Variants in KMT2B observed in about 807,000 individuals in gnomAD.
The protein encoded by KMT2B is histone-lysine N-methyltransferase 2B.
Under a neutral mutation model 255.3 loss-of-function variants are expected in KMT2B, and 22 were observed. That is an observed-to-expected ratio of 0.09 (90% CI 0.06 to 0.12). KMT2B has a LOEUF of 0.12. KMT2B is among the 10% of genes least tolerant of loss of function. KMT2B has a pLI of 1.00. For synonymous variants in KMT2B, 1,730 were observed against 1,498.1 expected (o/e 1.15, Z -3.57); for missense variants, 3,149 against 3,737.0 (o/e 0.84, Z 4.10).
chr19:35,738,315 T>G lies in KMT2B; in HGVS notation c.7906T>G (p.Phe2636Val). 6.2e-7 allele frequency: 1 copy of G among 1,613,872 alleles called. No individual in the cohort carries two copies. Among genetic ancestry groups the G allele is most frequent in the Non-Finnish European group, 8.5e-7 (1 of 1,179,810 alleles). ...IGCYMFRMDD[F>V]DVVDATMHGN... The stretch of plus-strand genomic sequence containing the variant: ...GTGCTATATGTTCCGCATGGATGAC[T>G]TTGATGTAGTGGACGCCACGATGCA... The change falls in exon 37 of 37, where the codon TTT (phenylalanine) becomes GTT (valine). Residue 2636 changes from phenylalanine to valine, a missense_variant. Phe to Val is a conservative substitution (Grantham distance 50, BLOSUM62 -1). Around this residue, in one of 18 missense-constraint regions of KMT2B, gnomAD observed 56 missense variants for 238.8 expected, o/e 0.23. Transcript: ENST00000420124. This position sits in a 1 kb window ranked among gnomAD's most constrained non-coding sequence, Gnocchi z 8.7.
chr19:35,722,364 C>T lies in KMT2B; in HGVS notation c.2463C>T (p.Ser821=). The T allele has an allele frequency of 1.2e-6, 2 of 1,608,618 alleles. No individual in the cohort carries two copies. ...CCCTGTTTATTCCCTGCCAGCTGAG[C>T]CCTGGAGGGCAGATGGAGGAGGTGG... The part of the protein sequence containing the change: ...QQKVAASMPL[S]PGGQMEEVAG... The change falls in exon 4 of 37, where the codon AGC becomes AGT. Residue 821 remains serine, a synonymous_variant. Transcript: ENST00000420124.
In KMT2B at chr19:35,725,528, A is replaced by G. The variant is rs1049568182; in HGVS notation, c.3692A>G (p.Glu1231Gly). 7 of 1,611,258 alleles carry G rather than the reference A, an allele frequency of 4.3e-6. No homozygotes were observed. Among genetic ancestry groups the G allele is most frequent in the Non-Finnish European group, 5.9e-6 (7 of 1,179,878 alleles). ...GACCCATTCCACCCATTCTGCCTGGAGGAGGCCGAGCGGCCCCTGCCCCAG... is the reference window on the plus strand; with the variant it reads ...GACCCATTCCACCCATTCTGCCTGGGGGAGGCCGAGCGGCCCCTGCCCCAG... The part of the protein sequence containing the change: ...CCDPFHPFCL[E>G]EAERPLPQHH... Residue 1231 changes from glutamate to glycine, a missense_variant, in exon 12 of 37, where the codon GAG becomes GGG. By Grantham distance (98) the Glu-to-Gly change is moderately conservative (BLOSUM62 -2). Transcript: ENST00000420124. The surrounding 1 kb of genome is among the most constrained non-coding windows in gnomAD (Gnocchi z 4.1).
In KMT2B at chr19:35,732,277, C is replaced by A; in HGVS notation, c.5728C>A (p.Pro1910Thr). ...GGGAGACCCGGACTTCCCAGCTCCCCCCAGACGTTCCCGTCGTCCCAGCCC... is the reference window on the plus strand; with the variant it reads ...GGGAGACCCGGACTTCCCAGCTCCCACCAGACGTTCCCGTCGTCCCAGCCC... The part of the protein sequence containing the change: ...TVGDPDFPAP[P>T]RRSRRPSPLA... The change falls in exon 28 of 37, where the codon CCC (proline) becomes ACC (threonine). Residue 1910 changes from proline to threonine, a missense_variant. This residue lies in a region of KMT2B where 897 missense variants were observed against 825.3 expected (regional missense o/e 1.09). Transcript: ENST00000420124. The A allele has an allele frequency of 6.2e-7, 1 of 1,610,320 alleles. No homozygotes were observed. Among genetic ancestry groups the A allele is most frequent in the East Asian group, 2.2e-5 (1 of 44,656 alleles).
Position 35,723,466 on chromosome 19 carries a change from A to G in KMT2B, c.3022A>G (p.Ile1008Val). 6.3e-7 allele frequency: 1 copy of G among 1,576,804 alleles called. No homozygotes were observed. The highest frequency in any genetic ancestry group is 8.6e-7 in the Non-Finnish European group (1 of 1,162,078). Residue 1008 changes from isoleucine to valine, a missense_variant, in exon 7 of 37, where the codon ATA becomes GTA. This residue lies in a region of KMT2B where 11 missense variants were observed against 45.3 expected (regional missense o/e 0.24). Coordinates refer to ENST00000420124, the MANE Select transcript of KMT2B (RefSeq NM_014727.3). This position sits in a 1 kb window ranked among gnomAD's most constrained non-coding sequence, Gnocchi z 7.5. ...CCCCAGATACCGGAAGTGTGACAAA[A>G]TAGAGGCTCGGAAGATGGAACGACT... ...QCCVYRKCDK[I>V]EARKMERLAK... is the part of the protein sequence containing the mutation.
Position 35,738,149 on chromosome 19 carries a change from C to T in KMT2B, c.7830C>T (p.Arg2610=). 6.2e-7 allele frequency: 1 copy of T among 1,613,830 alleles called. No homozygotes were observed. Among genetic ancestry groups the T allele is most frequent in the Non-Finnish European group, 8.5e-7 (1 of 1,179,866 alleles). The change falls in exon 36 of 37, where the codon CGC becomes CGT. Residue 2610 remains arginine (R), a synonymous_variant. Transcript: ENST00000420124. The surrounding 1 kb of genome is among the most constrained non-coding windows in gnomAD (Gnocchi z 8.7). The stretch of plus-strand genomic sequence containing the variant: ...TCGAGTACTCTGGCATTGTCATCCG[C>T]TCGGTGTTGACTGACAAGCGGGAGA... The part of the protein sequence containing the change: ...MVIEYSGIVI[R]SVLTDKREKF...
At chr19:35,731,343 G>A (rs1969683225) in intron 26 of KMT2B, among the ~76,000 whole-genome samples, 1 of 152,242 alleles carries the variant, frequency 6.6e-6, no homozygotes, top group Non-Finnish European at 1.5e-5. Flanking sequence ...GAATGGGCTT[G>A]GAGATGGGGG....
intron 26 of KMT2B, among the ~76,000 whole-genome samples, chr19:35,731,511 G>A (rs1168568631): frequency 1.3e-5 from 2 of 152,206 alleles, no homozygotes; most frequent in Non-Finnish European, 2.9e-5. Context: ...AGATCAGTTT[G>A]CAGAGGTTGG....
At position 35,738,544 on chromosome 19, in the gene KMT2B, G is replaced by A. The variant is rs766722222; in HGVS notation, c.8135G>A (p.Arg2712Gln). The A allele has an allele frequency of 6.2e-7, 1 of 1,613,320 alleles. No homozygotes were observed. Residue 2712 changes from arginine (R) to glutamine (Q), a missense_variant, in exon 37 of 37, where the codon CGG (arginine) becomes CAG (glutamine). By Grantham distance (43) the Arg-to-Gln change is conservative. Transcript: ENST00000420124. This position sits in a 1 kb window ranked among gnomAD's most constrained non-coding sequence, Gnocchi z 8.7. ...PCNCGAKRCR[R>Q]FLN Reference sequence around the variant, plus strand: ...AACTGTGGCGCCAAGCGCTGCCGTCGGTTCCTTAACTGAGGCCGTGGCTGC... The same window carrying A: ...AACTGTGGCGCCAAGCGCTGCCGTCAGTTCCTTAACTGAGGCCGTGGCTGC...
At chr19:35,721,878 G>A (rs950316299) in intron 3 of KMT2B, 74 bp downstream of exon 3, 17 of 1,451,826 alleles carry the variant, frequency 1.2e-5, no homozygotes, top group Admixed American at 1.1e-4. Flanking sequence ...CTAACCTTCC[G>A]CCTCCTTGGA....
chr19:35,736,702 G>A lies in KMT2B; in HGVS notation c.7172G>A (p.Ser2391Asn), dbSNP rs1419113128. The change falls in exon 31 of 37, where the codon AGC (serine) becomes AAC (asparagine). Residue 2391 changes from serine to asparagine, a missense_variant. By Grantham distance (46) the Ser-to-Asn change is conservative. This residue lies in a region of KMT2B where 897 missense variants were observed against 825.3 expected (regional missense o/e 1.09). Transcript: ENST00000420124. ...TTCTTGGGACCAGGTGAGGCTTCGAGCTCTGAGGAAGAGCCTCCATCCCCA... is the reference window on the plus strand; with the variant it reads ...TTCTTGGGACCAGGTGAGGCTTCGAACTCTGAGGAAGAGCCTCCATCCCCA... The part of the protein sequence containing the change: ...QWHHYSGEAS[S>N]SEEEPPSPDD... 1 of 1,613,854 alleles carries A rather than the reference G, an allele frequency of 6.2e-7. No individual in the cohort carries two copies. Among genetic ancestry groups the A allele is most frequent in the Non-Finnish European group, 8.5e-7 (1 of 1,179,792 alleles).
chr19:35,734,154 G>A (rs1259816789), intron 30 of KMT2B, among the ~76,000 whole-genome samples: 1 of 152,148 alleles, frequency 6.6e-6, no homozygotes, highest in Non-Finnish European at 1.5e-5. Flanking sequence ...GCCAGGAGCT[G>A]AGAGAGAGCT....
Position 35,733,680 on chromosome 19 carries a change from G to T in KMT2B, c.7043G>T (p.Ser2348Ile). The T allele has an allele frequency of 1.2e-6, 2 of 1,603,102 alleles. No homozygotes were observed. The highest frequency in any genetic ancestry group is 8.5e-7 in the Non-Finnish European group (1 of 1,175,180). Residue 2348 changes from serine to isoleucine, a missense_variant, in exon 29 of 37, where the codon AGT becomes ATT. Transcript: ENST00000420124. The surrounding 1 kb of genome is among the most constrained non-coding windows in gnomAD (Gnocchi z 4.3). The part of the protein sequence containing the change: ...DRPGEPAGEE[S>I]PGPLQERSPL... ...CCTGGGGAGCCCGCTGGGGAAGAAA[G>T]TCCTGGGTGAGTGGCCAGGCCCCTC...
intron 23 of KMT2B, 67 bp downstream of exon 23, chr19:35,730,192 G>T: frequency 6.2e-7 from 1 of 1,606,008 alleles, no homozygotes; most frequent in Non-Finnish European, 8.5e-7. Context: ...AGGGACCCCC[G>T]TGGCCCCCAG....
chr19:35,737,831 C>A lies in KMT2B; in HGVS notation c.7659-28C>A. 6.4e-7 allele frequency: 1 copy of A among 1,555,644 alleles called. No individual in the cohort carries two copies. The stretch of plus-strand genomic sequence containing the variant: ...TGAGAGAGGTCATTCTGAGCACCAG[C>A]CTGGGTGACACTGCTGTCCCTCACC... On this transcript the variant is annotated intron_variant, in intron 34 of 36. Transcript: ENST00000420124. This position sits in a 1 kb window ranked among gnomAD's most constrained non-coding sequence, Gnocchi z 5.3.
intron 19 of KMT2B, 51 bp from the exon 20 acceptor site, chr19:35,728,723 G>A (rs1439400320): frequency 6.8e-6 from 10 of 1,462,162 alleles, no homozygotes; most frequent in Middle Eastern, 1.7e-4. Flanking sequence ...ATGGGCCCCC[G>A]TTCAGCTGCC....
rs769184867 is a variant in KMT2B at position 35,720,370 on chromosome 19, A to C, written c.1023A>C (p.Gln341His). The change falls in exon 3 of 37, where the codon CAA becomes CAC. Residue 341 changes from glutamine to histidine, a missense_variant. By Grantham distance (24) the Gln-to-His change is conservative. Around this residue, in one of 18 missense-constraint regions of KMT2B, gnomAD observed 1,188 missense variants for 1,106.4 expected, o/e 1.07. Transcript: ENST00000420124. ...AGGAAAGTTGGCAGGATGTCCCCCA[A>C]AGAAGAGTTGGATCTGGACAGGGAG... ...QHEESWQDVP[Q>H]RRVGSGQGGS... 7 of 1,599,404 alleles carry C rather than the reference A, an allele frequency of 4.4e-6. No homozygotes were observed. Among genetic ancestry groups the C allele is most frequent in the Admixed American group, 1.7e-5 (1 of 57,338 alleles).
At chr19:35,731,704 G>A (rs905831812) in intron 26 of KMT2B, among the ~76,000 whole-genome samples, 1 of 152,180 alleles carries the variant, frequency 6.6e-6, no homozygotes, top group Non-Finnish European at 1.5e-5. Flanking sequence ...GTGGGGAGAG[G>A]CCCTGAAGGC....
In KMT2B at chr19:35,733,456, G is replaced by A. The variant is rs1269838189; in HGVS notation, c.6907G>A (p.Asp2303Asn). Reference sequence around the variant, plus strand: ...ATACAAAGCCCCCCGGCTGGATGAAGATGGAGAGGCCTCAGAGGATACCCC... The same window carrying A: ...ATACAAAGCCCCCCGGCTGGATGAAAATGGAGAGGCCTCAGAGGATACCCC... The part of the protein sequence containing the change: ...PPYKAPRLDE[D>N]GEASEDTPQV... Residue 2303 changes from aspartate to asparagine, a missense_variant, in exon 28 of 37, where the codon GAT becomes AAT. By Grantham distance (23) the Asp-to-Asn change is conservative. Around this residue, in one of 18 missense-constraint regions of KMT2B, gnomAD observed 897 missense variants for 825.3 expected, o/e 1.09. Transcript: ENST00000420124. The surrounding 1 kb of genome is among the most constrained non-coding windows in gnomAD (Gnocchi z 4.3). The A allele has an allele frequency of 1.3e-6, 2 of 1,561,680 alleles. No individual in the cohort carries two copies. The highest frequency in any genetic ancestry group is 1.2e-5 in the South Asian group (1 of 84,700).
chr19:35,730,998 G>C, intron 26 of KMT2B, 131 bp downstream of exon 26: 2 of 1,050,878 alleles, frequency 1.9e-6, no homozygotes, highest in Admixed American at 2.9e-5. Flanking sequence ...TGTAACGGCA[G>C]CTCGCTTACT....
Sources: allele counts gnomAD v4.1 joint callset (sites outside exome capture counted in the v4.1 genomes callset), GRCh38; gene constraint gnomAD v4.1.1; regional missense constraint gnomAD v4.1.1; non-coding constraint Gnocchi (gnomAD v3.1); transcripts MANE v1.5; gene names NCBI Gene and HGNC (gene_info 2026-07-23, HGNC 2026-07-21).